Variants in ACAD10 observed in about 807,000 individuals in gnomAD.
The protein encoded by ACAD10 is acyl-CoA dehydrogenase family member 10.
Under a neutral mutation model 116.8 loss-of-function variants are expected in ACAD10, and 112 were observed. The observed-to-expected ratio is 0.96, with a 90% confidence interval of 0.82 to 1.12. The LOEUF (loss-of-function observed/expected upper bound fraction) is 1.12. Ranked by LOEUF, ACAD10 falls within the 50% of genes most tolerant of loss-of-function variation. The pLI is 0.00. For synonymous variants in ACAD10, 486 were observed against 510.6 expected (o/e 0.95, Z 0.65); for missense variants, 1,259 against 1,350.2 (o/e 0.93, Z 1.06).
intron 8 of ACAD10, among the ~76,000 whole-genome samples, chr12:111,726,462 G>A (rs1226695155): frequency 3.9e-5 from 6 of 152,078 alleles, no homozygotes; most frequent in Non-Finnish European, 7.3e-5. Context: ...CAGGCACTCT[G>A]TATGTTTGTT....
At position 111,736,827 on chromosome 12, in the gene ACAD10, G is replaced by A. The variant is rs747247697; in HGVS notation, c.1541-4G>A. 1.1e-4 allele frequency: 173 copies of A among 1,609,492 alleles called. 1 individual carries two copies. The highest frequency in any genetic ancestry group is 1.4e-4 in the Non-Finnish European group (165 of 1,177,920). ...ACCCATGAATGGCTCTGTCTTTCTC[G>A]CAGGTATTAATGACTGTGACTTGAC... On this transcript the variant is annotated splice_polypyrimidine_tract_variant and splice_region_variant and intron_variant, in intron 11 of 20. Transcript: ENST00000313698.
chr12:111,710,842 C>T (rs990452061), intron 5 of ACAD10, among the ~76,000 whole-genome samples: 1 of 152,114 alleles, frequency 6.6e-6, no homozygotes, highest in African/African-American at 2.4e-5. Context: ...CTCCTGGACT[C>T]CAGCAGTCCT....
chr12:111,753,273 C>T (rs1361659337), intron 18 of ACAD10: 14 of 316,736 alleles, frequency 4.4e-5, no homozygotes, highest in South Asian at 2.7e-4. Context: ...AGGCCACCCA[C>T]GGCGGAAGGC....
intron 6 of ACAD10, among the ~76,000 whole-genome samples, chr12:111,715,068 G>A (rs1430437458): frequency 6.6e-6 from 1 of 152,154 alleles, no homozygotes; most frequent in Non-Finnish European, 1.5e-5. Flanking sequence ...CGTGAAAAAG[G>A]CTTTTATTGA....
intron 12 of ACAD10, 59 bp downstream of exon 12, chr12:111,737,063 C>G: frequency 1.3e-6 from 2 of 1,563,062 alleles, no homozygotes; most frequent in Non-Finnish European, 1.7e-6. Flanking sequence ...AGGACCGTGC[C>G]TCCACCTGGA....
At chr12:111,715,790 G>T in intron 6 of ACAD10, 31 bp from the exon 7 acceptor site, 1 of 1,614,022 alleles carries the variant, frequency 6.2e-7, no homozygotes, top group Non-Finnish European at 8.5e-7. Context: ...TCCAGGGCTG[G>T]TTTGAGTTTT....
At chr12:111,725,766 C>T (rs912766408) in intron 8 of ACAD10, among the ~76,000 whole-genome samples, 4 of 151,800 alleles carry the variant, frequency 2.6e-5, no homozygotes, top group African/African-American at 9.7e-5. Flanking sequence ...AACTCTTGAC[C>T]TCAAGTGATC....
At chr12:111,734,750 C>G (rs1231045931) in intron 11 of ACAD10, among the ~76,000 whole-genome samples, 1 of 152,172 alleles carries the variant, frequency 6.6e-6, no homozygotes, top group Non-Finnish European at 1.5e-5. Context: ...CAGTATCTAT[C>G]CATGTCATCT....
At chr12:111,693,128 C>T in intron 2 of ACAD10, 1 of 533,706 alleles carries the variant, frequency 1.9e-6, no homozygotes, top group Non-Finnish European at 3.3e-6. Context: ...GTAGTGCCTT[C>T]CTCCTTGGGA....
chr12:111,756,091 C>G, intron 20 of ACAD10: 2 of 1,371,450 alleles, frequency 1.5e-6, no homozygotes, highest in Non-Finnish European at 1.9e-6. Context: ...AGATCCTAAC[C>G]CCCGGCCCCA....
rs781631070 is a variant in ACAD10, at chr12:111,729,807, G to A, written c.1245G>A (p.Gly415=). The A allele has an allele frequency of 6.2e-7, 1 of 1,613,048 alleles. No individual in the cohort carries two copies. The highest frequency in any genetic ancestry group is 2.2e-5 in the East Asian group (1 of 44,832). ...AAGTTCTAATCCTATTTCCCGCAGG[G>A]GACTATATTCCACGCCAGGTACGAA... ...AVGLEDYGKQ[G]DYIPRQVRTW... The change falls in exon 10 of 21, where the codon GGG becomes GGA. Residue 415 remains glycine, a splice_region_variant and synonymous_variant. Coordinates refer to ENST00000313698, the MANE Select transcript of ACAD10 (RefSeq NM_025247.6).
intron 8 of ACAD10, among the ~76,000 whole-genome samples, chr12:111,723,302 G>T (rs1214114713): frequency 3.8e-4 from 51 of 132,708 alleles, no homozygotes; most frequent in Middle Eastern, 4.7e-3. Flanking sequence ...CAGACGGGGC[G>T]GCTGGCCGGG....
chr12:111,720,500 A>T (rs974787625), intron 7 of ACAD10, among the ~76,000 whole-genome samples: 1 of 152,100 alleles, frequency 6.6e-6, no homozygotes, highest in African/African-American at 2.4e-5. Context: ...TATGATTGTA[A>T]TATCTTTCTG....
At chr12:111,695,168 C>G (rs1337437628) in intron 2 of ACAD10, among the ~76,000 whole-genome samples, 4 of 152,334 alleles carry the variant, frequency 2.6e-5, no homozygotes, top group Non-Finnish European at 5.9e-5. Flanking sequence ...TCAGTTTTAG[C>G]TTTCCTGCTA....
chr12:111,704,947 A>G (rs1042917878), intron 3 of ACAD10, among the ~76,000 whole-genome samples: 5 of 151,978 alleles, frequency 3.3e-5, no homozygotes, highest in African/African-American at 1.2e-4. Flanking sequence ...TCAGCCTCCC[A>G]AAGTGCTGGG....
intron 5 of ACAD10, chr12:111,710,174 C>G (rs1216512080): frequency 7.8e-6 from 3 of 383,670 alleles, no homozygotes; most frequent in South Asian, 1.9e-5. Context: ...ACTGTAGCCT[C>G]AACCTCCTGG....
intron 8 of ACAD10, among the ~76,000 whole-genome samples, chr12:111,722,408 T>G (rs1177232912): frequency 6.6e-6 from 1 of 151,984 alleles, no homozygotes; most frequent in Non-Finnish European, 1.5e-5. Flanking sequence ...TATTTTTTAT[T>G]GATAATTCTT....
intron 19 of ACAD10, 66 bp from the exon 20 acceptor site, chr12:111,755,602 G>A: frequency 8.3e-7 from 1 of 1,208,024 alleles, no homozygotes. Context: ...GGGGGACGGG[G>A]GGGCCTCACT....
Position 111,728,114 on chromosome 12 carries a change from C to T in ACAD10, c.1214C>T (p.Ala405Val). ...AAAATTCACAGTGTGGATCTGCAGG[C>T]TGTGGGACTTGAAGACTATGGGAAG... ...LCKIHSVDLQ[A>V]VGLEDYGKQG... The change falls in exon 9 of 21, where the codon GCT (alanine) becomes GTT (valine). Residue 405 changes from alanine to valine, a missense_variant. Physicochemically the swap from Ala to Val is moderately conservative, Grantham distance 64 (BLOSUM62 0). Coordinates refer to ENST00000313698, the MANE Select transcript of ACAD10 (RefSeq NM_025247.6). 1.2e-5 allele frequency: 19 copies of T among 1,610,368 alleles called. No individual in the cohort carries two copies. The highest frequency in any genetic ancestry group is 1.6e-5 in the Non-Finnish European group (19 of 1,178,390).
Sources: allele counts gnomAD v4.1 joint callset (sites outside exome capture counted in the v4.1 genomes callset), GRCh38; gene constraint gnomAD v4.1.1; transcripts MANE v1.5; gene names NCBI Gene and HGNC (gene_info 2026-07-23, HGNC 2026-07-21).